Variants in CLASP2 observed in about 807,000 individuals in gnomAD.
CLASP2 encodes cytoplasmic linker associated protein 2.
A neutral mutation model predicts 194.4 loss-of-function variants in CLASP2; 47 were observed. That is an observed-to-expected ratio of 0.24 (90% CI 0.19 to 0.31). The LOEUF (loss-of-function observed/expected upper bound fraction) is 0.31. CLASP2 is among the 10% of genes least tolerant of loss of function. The pLI is 1.00. For synonymous variants in CLASP2, 619 were observed against 633.5 expected (o/e 0.98, Z 0.34); for missense variants, 1,445 against 1,823.6 (o/e 0.79, Z 3.78).
At chr3:33,584,158 CTG>C (rs568707845) in intron 22 of CLASP2, among the ~76,000 whole-genome samples, 1 of 152,006 alleles carries the variant, frequency 6.6e-6, no homozygotes, top group Non-Finnish European at 1.5e-5. Context: ...ACACAAGAAA[CTG>C]TGTATATATG....
intron 1 of CLASP2, among the ~76,000 whole-genome samples, chr3:33,703,753 T>C (rs969831647): frequency 3.3e-5 from 5 of 152,246 alleles, no homozygotes; most frequent in Non-Finnish European, 7.3e-5. Flanking sequence ...CCCAAAGGGC[T>C]GGGATTACAG....
At chr3:33,645,973 CACAA>C (rs2082216053) in intron 7 of CLASP2, among the ~76,000 whole-genome samples, 1 of 138,050 alleles carries the variant, frequency 7.2e-6, no homozygotes, top group South Asian at 2.3e-4. Flanking sequence ...CACACACACA[CACAA>C]TGTATTTTAC....
chr3:33,606,800 A>C, intron 15 of CLASP2, 42 bp from the exon 16 acceptor site: 1 of 1,396,010 alleles, frequency 7.2e-7, no homozygotes, highest in Non-Finnish European at 9.9e-7. Flanking sequence ...ATAGCTTTAC[A>C]TAATTAGACA....
chr3:33,516,019 T>C lies in CLASP2; in HGVS notation c.4110+4A>G, dbSNP rs372595737. ...AATAATACTTTACCGGCCAGGTAAC[T>C]TACCTCCTTATGAGGATCTTTATGT... On this transcript the variant is annotated splice_donor_region_variant and intron_variant, in intron 36 of 38. Coordinates refer to ENST00000682230, the MANE Select transcript of CLASP2 (RefSeq NM_001365631.1). The C allele has an allele frequency of 6.3e-5, 101 of 1,604,700 alleles. No homozygotes were observed. The Middle Eastern group carries it at 9.9e-4, about 16-fold the overall frequency.
At chr3:33,655,247 C>T (rs1456316024) in intron 7 of CLASP2, among the ~76,000 whole-genome samples, 1 of 152,122 alleles carries the variant, frequency 6.6e-6, no homozygotes, top group Non-Finnish European at 1.5e-5. Context: ...TTATTAGCAA[C>T]ATCAGGTTTG....
chr3:33,614,073 A>G lies in CLASP2; in HGVS notation c.1318-2002T>C, dbSNP rs532938314. ...TCCTAAAATTAAAAAGAGAATTAGA[A>G]ATTAAGTACAGCAATCTAAGGAAGT... On this transcript the variant is annotated intron_variant, in intron 12 of 38. Transcript: ENST00000682230. 3.0e-3 allele frequency among the ~76,000 whole-genome samples: 459 copies of G among 152,344 alleles called. 2 individuals are homozygous for G. The highest frequency in any genetic ancestry group is 6.0e-3 in the Non-Finnish European group (405 of 68,030).
chr3:33,575,225 G>A (rs928684120), intron 24 of CLASP2, among the ~76,000 whole-genome samples: 6 of 152,054 alleles, frequency 3.9e-5, no homozygotes, highest in Admixed American at 3.3e-4. Context: ...TCAAGTGGCT[G>A]AAGTAACGGG....
chr3:33,555,378 T>C (rs556045644), intron 29 of CLASP2, among the ~76,000 whole-genome samples: 1 of 152,000 alleles, frequency 6.6e-6, no homozygotes, highest in Admixed American at 6.5e-5. Flanking sequence ...TTTTTTTTTT[T>C]TTTTTGAGAT....
intron 27 of CLASP2, among the ~76,000 whole-genome samples, chr3:33,566,037 A>C (rs1018092970): frequency 3.3e-5 from 5 of 152,262 alleles, no homozygotes; most frequent in African/African-American, 1.2e-4. Flanking sequence ...ATGCATACAT[A>C]TCTATCTTCA....
At chr3:33,653,649 T>C (rs2083608430) in intron 7 of CLASP2, among the ~76,000 whole-genome samples, 2 of 152,328 alleles carry the variant, frequency 1.3e-5, no homozygotes, top group East Asian at 1.9e-4. Context: ...CTTTATTTGA[T>C]ATACATGATG....
intron 6 of CLASP2, among the ~76,000 whole-genome samples, chr3:33,665,016 G>T (rs566060585): frequency 6.6e-6 from 1 of 151,852 alleles, no homozygotes; most frequent in Non-Finnish European, 1.5e-5. Context: ...CACAAGAATC[G>T]CTTGAACCTG....
intron 7 of CLASP2, among the ~76,000 whole-genome samples, chr3:33,652,565 C>T (rs921738484): frequency 1.3e-5 from 2 of 152,148 alleles, no homozygotes; most frequent in African/African-American, 4.8e-5. Flanking sequence ...TCCTTCTCTC[C>T]AGACTATACA....
chr3:33,625,293 C>T (rs2077806768), intron 10 of CLASP2, among the ~76,000 whole-genome samples: 1 of 151,768 alleles, frequency 6.6e-6, no homozygotes, highest in Non-Finnish European at 1.5e-5. Context: ...ACATATGTAA[C>T]AAACCTGCAT....
At chr3:33,629,276 A>G (rs1318163262) in intron 9 of CLASP2, among the ~76,000 whole-genome samples, 1 of 152,188 alleles carries the variant, frequency 6.6e-6, no homozygotes, top group Non-Finnish European at 1.5e-5. Flanking sequence ...AGAGATAAAC[A>G]GAAAGAGCTT....
At chr3:33,588,348 C>T (rs978368096) in intron 21 of CLASP2, among the ~76,000 whole-genome samples, 1 of 152,200 alleles carries the variant, frequency 6.6e-6, no homozygotes, top group Non-Finnish European at 1.5e-5. Flanking sequence ...GAATAGCATG[C>T]TACCAGAAAA....
At chr3:33,593,845 A>G (rs1025679295) in intron 20 of CLASP2, among the ~76,000 whole-genome samples, 2 of 152,142 alleles carry the variant, frequency 1.3e-5, no homozygotes, top group Admixed American at 1.3e-4. Flanking sequence ...TCATGTTTTT[A>G]TTTTTATTTA....
chr3:33,663,197 C>CAAAAAAAAAAAAAAAAAAAAA (rs60671856), intron 7 of CLASP2, among the ~76,000 whole-genome samples: 1 of 100,768 alleles, frequency 9.9e-6, no homozygotes, highest in Non-Finnish European at 2.0e-5. Flanking sequence ...GCAGTATCAC[C>CAAAAAAAAAAAAAAAAAAAAA]AAAAAAAAAA....
intron 28 of CLASP2, among the ~76,000 whole-genome samples, chr3:33,559,763 G>A (rs564892470): frequency 6.9e-4 from 105 of 152,082 alleles, no homozygotes; most frequent in African/African-American, 2.5e-3. Context: ...GCATGGTGGC[G>A]CATGTCTGTA....
rs901422900 is a variant in CLASP2, at chr3:33,498,402, T to C, written c.*229A>G. ...TTAAAAATTACTTTGTGTCGATCAATTGATGTTAATACTGCTTCTTCTTGA... is the reference window on the plus strand; with the variant it reads ...TTAAAAATTACTTTGTGTCGATCAACTGATGTTAATACTGCTTCTTCTTGA... On this transcript the variant is annotated 3_prime_UTR_variant, in exon 39 of 39. Coordinates refer to ENST00000682230, the MANE Select transcript of CLASP2 (RefSeq NM_001365631.1). The C allele has an allele frequency of 4.7e-5, 19 of 400,818 alleles. No homozygotes were observed. The highest frequency in any genetic ancestry group is 3.7e-4 in the African/African-American group (18 of 48,792). 24.8% of individuals were successfully genotyped at this position (400,818 alleles called of 1,614,324 possible).
Sources: gnomAD v4.1 joint callset for allele counts (sites outside exome capture counted in the v4.1 genomes callset) on GRCh38, gnomAD v4.1.1 for gene constraint, MANE v1.5 for transcripts, NCBI Gene and HGNC (gene_info 2026-07-23, HGNC 2026-07-21) for gene names.